Variants in FBRS observed in about 807,000 individuals in gnomAD.
FBRS encodes fibrosin.
A neutral mutation model predicts 86.1 loss-of-function variants in FBRS; 15 were observed. The observed-to-expected ratio is 0.17, with a 90% CI of 0.12 to 0.27. FBRS has a LOEUF of 0.27. FBRS is among the 10% of genes least tolerant of loss of function. FBRS has a pLI of 1.00. For synonymous variants in FBRS, 666 were observed against 575.8 expected, an observed-to-expected ratio of 1.16 and a Z score of -2.24; for missense variants, 1,367 against 1,301.6, an observed-to-expected ratio of 1.05 and a Z score of -0.77.
chr16:30,659,734 TG>T lies in FBRS; in HGVS notation c.218del (p.Gly73GlufsTer65). On this transcript the variant is annotated frameshift_variant, in exon 1 of 18. Transcript: ENST00000356166. LOFTEE classifies it high-confidence loss of function. ...CCAGGCCTTGGTCGTCAGCTTCGTC[TG>T]GAGAGCGGCCTGGGGGCCCGAGACG... ...PARPWSSASSGERPGGPRRRR... is the reference protein window; with the variant it reads ...PARPWSSASSXERPGGPRRRR... The T allele has an allele frequency of 7.8e-7, 1 of 1,287,186 alleles. No homozygotes were observed. The highest frequency in any genetic ancestry group is 1.1e-6 in the Non-Finnish European group (1 of 946,630). 79.7% of individuals were successfully genotyped at this position (1,287,186 alleles called of 1,614,324 possible). A position where few individuals can be genotyped will look rare whatever the true frequency, so the allele number is the denominator to read the frequency against.
chr16:30,660,011 T>G (rs1596612214), intron 1 of FBRS, 34 bp downstream of exon 1: 1 of 1,538,904 alleles, frequency 6.5e-7, no homozygotes, highest in South Asian at 1.2e-5. Flanking sequence ...ACTTTGGGGG[T>G]TTCCGAGGGG....
chr16:30,669,736 A>G lies in FBRS; in HGVS notation c.*91A>G. 1 of 1,432,522 alleles carries G rather than the reference A, an allele frequency of 7.0e-7. No homozygotes were observed. The highest frequency in any genetic ancestry group is 9.2e-7 in the Non-Finnish European group (1 of 1,089,520). 88.7% of individuals were successfully genotyped at this position (1,432,522 alleles called of 1,614,324 possible). A position where few individuals can be genotyped will look rare whatever the true frequency, so the allele number is the denominator to read the frequency against. Reference sequence around the variant, plus strand: ...GGTTTTAAGCCAGGGCTGGAGGGCAAAGGTCATAACCTCACCAGCCACCTC... The same window carrying G: ...GGTTTTAAGCCAGGGCTGGAGGGCAGAGGTCATAACCTCACCAGCCACCTC... On this transcript the variant is annotated 3_prime_UTR_variant, in exon 18 of 18. Transcript: ENST00000356166. The surrounding 1 kb of genome is among the most constrained non-coding windows in gnomAD (Gnocchi z 5.9).
At chr16:30,666,344 C>T (rs2052521836) in intron 11 of FBRS, 168 bp from the exon 12 acceptor site, 1 of 782,588 alleles carries the variant, frequency 1.3e-6, no homozygotes, top group Non-Finnish European at 2.1e-6. Context: ...AGGAGAGATG[C>T]CTAGACTGGG....
intron 1 of FBRS, 143 bp downstream of exon 1, chr16:30,660,120 C>T: frequency 9.8e-6 from 14 of 1,426,960 alleles, no homozygotes; most frequent in Non-Finnish European, 1.3e-5. Context: ...GCCTCTGCCC[C>T]GCCCTGGGGT....
Position 30,664,242 on chromosome 16 carries a change from G to A in FBRS, c.1083G>A (p.Pro361=), listed in dbSNP as rs774741597. Residue 361 remains proline, a synonymous_variant, in exon 7 of 18, where the codon CCG becomes CCA. Transcript: ENST00000356166. The stretch of plus-strand genomic sequence containing the variant: ...CTTCACGGCCGCCCCCCAAGGCCCC[G>A]GCCCCTCCCGTGGCTCAGCCTCCCC... The part of the protein sequence containing the change: ...GSSSRPPPKA[P]APPVAQPPPS... The A allele has an allele frequency of 1.4e-5, 14 of 986,486 alleles. No homozygotes were observed. The South Asian group carries it at 3.7e-4, about 26-fold the overall frequency. 61.1% of individuals were successfully genotyped at this position (986,486 alleles called of 1,614,324 possible).
rs540333339 is a variant in FBRS at position 30,664,692 on chromosome 16, C to T, written c.1358-23C>T. On this transcript the variant is annotated intron_variant, in intron 7 of 17. Coordinates refer to ENST00000356166, the MANE Select transcript of FBRS (RefSeq NM_001105079.3). ...GGCTGATGTGGCGACAGCATTAAAG[C>T]CTTCTCCCGTCCCCTCCCACAGAGC... 8.0e-6 allele frequency: 12 copies of T among 1,493,270 alleles called. No individual in the cohort carries two copies. In the African/African-American group the frequency reaches 9.8e-5, roughly 12 times the overall value. 92.5% of individuals were successfully genotyped at this position (1,493,270 alleles called of 1,614,324 possible).
At chr16:30,667,036 G>A in intron 13 of FBRS, 46 bp downstream of exon 13, 2 of 1,553,620 alleles carry the variant, frequency 1.3e-6, no homozygotes, top group South Asian at 1.2e-5. Flanking sequence ...AGAGTCAGGG[G>A]AGGACTGAGC....
At chr16:30,661,840 A>G (rs1432657384) in intron 4 of FBRS, 5 of 183,642 alleles carry the variant, frequency 2.7e-5, no homozygotes, top group Admixed American at 1.6e-4. Context: ...CATTGGGCCC[A>G]TGTAAGTAAC....
Position 30,662,774 on chromosome 16 carries a change from C to T in FBRS, c.970C>T (p.Pro324Ser). ...GGCCACTCCCAGTCTGCCACCCCCA[C>T]CCCAGCCCCAGCTGCAGCTTCGGGT... Reference protein sequence around the residue: ...LPATPSLPPPPQPQLQLRVSP... With the variant: ...LPATPSLPPPSQPQLQLRVSP... Residue 324 changes from proline (P) to serine (S), a missense_variant, in exon 6 of 18, where the codon CCC becomes TCC. This residue lies in a region of FBRS where 702 missense variants were observed against 598.7 expected (regional missense o/e 1.17). Transcript: ENST00000356166. 1 of 1,505,828 alleles carries T rather than the reference C, an allele frequency of 6.6e-7. No individual in the cohort carries two copies. The highest frequency in any genetic ancestry group is 8.9e-7 in the Non-Finnish European group (1 of 1,122,006). The allele number at this position is 1,505,828 out of a possible 1,614,324, so 93.3% of individuals were successfully genotyped here.
rs1281250167 is a variant in FBRS at position 30,661,328 on chromosome 16, G to A, written c.700G>A (p.Glu234Lys). Residue 234 changes from glutamate to lysine, a missense_variant, in exon 4 of 18, where the codon GAG (glutamate) becomes AAG (lysine). Glu to Lys is a moderately conservative substitution (Grantham distance 56, BLOSUM62 1). Transcript: ENST00000356166. ...YICDAESDLD[E>K]RVSDDDLDPS... ...GTGTGACGCGGAAAGTGATCTGGAC[G>A]AGAGGGTGAGTGGGGCTAGAGCTTG... The A allele has an allele frequency of 6.4e-7, 1 of 1,550,792 alleles. No individual in the cohort carries two copies. The highest frequency in any genetic ancestry group is 8.7e-7 in the Non-Finnish European group (1 of 1,147,046).
Position 30,658,509 on chromosome 16 carries a change from T to G in FBRS, c.-1010T>G, listed in dbSNP as rs2052412497. 1 of 152,458 alleles carries G rather than the reference T, an allele frequency of 6.6e-6. No individual in the cohort carries two copies. The highest frequency in any genetic ancestry group is 2.1e-4 in the South Asian group (1 of 4,858). The allele number at this position is 152,458 out of a possible 1,614,324, so 9.4% of individuals were successfully genotyped here. On this transcript the variant is annotated 5_prime_UTR_variant, in exon 1 of 18. Coordinates refer to ENST00000356166, the MANE Select transcript of FBRS (RefSeq NM_001105079.3). The stretch of plus-strand genomic sequence containing the variant: ...TCCTGGCGGAGAAGCGCCCTAAGAC[T>G]CCAAAGGAGACAACAGGAGTTTGTG...
chr16:30,667,295 GC>G, intron 13 of FBRS, 24 bp from the exon 14 acceptor site: 1 of 1,503,654 alleles, frequency 6.7e-7, no homozygotes, highest in Non-Finnish European at 9.0e-7. Flanking sequence ...CTCATGTACT[GC>G]CCCTCTCCCT....
At position 30,661,089 on chromosome 16, in the gene FBRS, T is replaced by C. The variant is rs376383090; in HGVS notation, c.640-91T>C. ...GGAAGGAGAGGCTGAGAGTAGATCC[T>C]GGAGGCCCATGAGCGCCCTGCTGGG... On this transcript the variant is annotated intron_variant, in intron 2 of 17. Coordinates refer to ENST00000356166, the MANE Select transcript of FBRS (RefSeq NM_001105079.3). The C allele has an allele frequency of 5.2e-4, 795 of 1,540,722 alleles. 10 individuals are homozygous for C. In the African/African-American group the frequency reaches 8.8e-3, roughly 17 times the overall value.
chr16:30,662,988 A>G, intron 6 of FBRS, 129 bp downstream of exon 6: 3 of 1,320,372 alleles, frequency 2.3e-6, no homozygotes, highest in South Asian at 2.4e-5. Flanking sequence ...AGAAAAACAA[A>G]TGGAAAGAGA....
chr16:30,669,205 G>A lies in FBRS; in HGVS notation c.2503G>A (p.Ala835Thr), dbSNP rs764988908. Residue 835 changes from alanine (A) to threonine (T), a missense_variant, in exon 18 of 18, where the codon GCT becomes ACT. By Grantham distance (58) the Ala-to-Thr change is moderately conservative. Coordinates refer to ENST00000356166, the MANE Select transcript of FBRS (RefSeq NM_001105079.3). The surrounding 1 kb of genome is among the most constrained non-coding windows in gnomAD (Gnocchi z 5.9). ...GCGGAAGGAGGAGGCTGCCGCCGCC[G>A]CTGCCGCTGCTGCTGCCGCCGCCGC... ...EERKEEAAAA[A>T]AAAAAAAAAA... is the part of the protein sequence containing the mutation. The A allele has an allele frequency of 3.2e-6, 5 of 1,544,056 alleles. No homozygotes were observed. Among genetic ancestry groups the A allele is most frequent in the East Asian group, 2.5e-5 (1 of 40,702 alleles).
intron 1 of FBRS, 89 bp downstream of exon 1, chr16:30,660,066 G>A (rs1012102973): frequency 6.0e-5 from 89 of 1,477,548 alleles, no homozygotes; most frequent in Non-Finnish European, 7.8e-5. Flanking sequence ...GTTGAGGGGG[G>A]AATGCTGGCA....
chr16:30,666,979 G>A lies in FBRS; in HGVS notation c.1864G>A (p.Glu622Lys), dbSNP rs770264327. The A allele has an allele frequency of 4.8e-5, 77 of 1,610,234 alleles. No individual in the cohort carries two copies. Among genetic ancestry groups the A allele is most frequent in the Non-Finnish European group, 4.1e-5 (48 of 1,178,374 alleles). The change falls in exon 13 of 18, where the codon GAG (glutamate) becomes AAG (lysine). Residue 622 changes from glutamate (E) to lysine (K), a missense_variant. Glu to Lys is a moderately conservative substitution (Grantham distance 56, BLOSUM62 1). Around this residue, in one of 3 missense-constraint regions of FBRS, gnomAD observed 659 missense variants for 678.8 expected, o/e 0.97. Coordinates refer to ENST00000356166, the MANE Select transcript of FBRS (RefSeq NM_001105079.3). ...GGCTTACATGATCCTGAGACACCAG[G>A]AGAAAATGAAGGTACTGGGGCCGGA... Reference protein sequence around the residue: ...RVAYMILRHQEKMKGDSHKLD... With the variant: ...RVAYMILRHQKKMKGDSHKLD...
In FBRS at chr16:30,669,231, T is replaced by TGCCGCCGCCGCA; in HGVS notation, c.2532_2543dup (p.Ala846_Ala849dup). 3 of 1,545,760 alleles carry TGCCGCCGCCGCA rather than the reference T, an allele frequency of 1.9e-6. No individual in the cohort carries two copies. The highest frequency in any genetic ancestry group is 2.6e-6 in the Non-Finnish European group (3 of 1,143,790). On this transcript the variant is annotated inframe_insertion, in exon 18 of 18. Transcript: ENST00000356166. The surrounding 1 kb of genome is among the most constrained non-coding windows in gnomAD (Gnocchi z 5.9). ...CTGCCGCTGCTGCTGCCGCCGCCGC[T>TGCCGCCGCCGCA]GCCGCCGCCGCAGCAGCCACTGGGC... is the stretch of plus-strand genomic sequence containing the variant.
chr16:30,661,700 ATAGAG>A (rs548472427), intron 4 of FBRS, among the ~76,000 whole-genome samples: 14 of 152,310 alleles, frequency 9.2e-5, no homozygotes, highest in African/African-American at 3.1e-4. Context: ...GAGACCGCAG[ATAGAG>A]TAGTGAGGAC....
Sources: gnomAD v4.1 joint callset for allele counts (sites outside exome capture counted in the v4.1 genomes callset) on GRCh38, gnomAD v4.1.1 for gene constraint, gnomAD v4.1.1 regional missense constraint, Gnocchi (gnomAD v3.1) non-coding constraint, MANE v1.5 for transcripts, NCBI Gene and HGNC (gene_info 2026-07-23, HGNC 2026-07-21) for gene names.